Variants in C1RL observed in about 807,000 individuals in gnomAD.
C1RL encodes the protein complement C1r subcomponent-like protein.
A neutral mutation model predicts 27.9 loss-of-function variants in C1RL; 27 were observed. The ratio of observed to expected loss-of-function variants is 0.97; its 90% CI spans 0.71 to 1.33. The LOEUF (loss-of-function observed/expected upper bound fraction) is 1.33. Ranked by LOEUF, C1RL falls within the 40% of genes most tolerant of loss-of-function variation. The pLI is 0.00. For missense variants in C1RL, 563 were observed against 623.9 expected, an observed-to-expected ratio of 0.90 and a Z score of 1.04; for synonymous variants, 248 against 252.1, an observed-to-expected ratio of 0.98 and a Z score of 0.15.
intron 3 of C1RL, 87 bp from the exon 4 acceptor site, chr12:7,100,113 C>T (rs1938574784): frequency 4.6e-6 from 6 of 1,306,092 alleles, no homozygotes; most frequent in Non-Finnish European, 4.2e-6. Flanking sequence ...GTTTGACTTG[C>T]ACAGTGTTTT....
Position 7,094,740 on chromosome 12 carries a change from A to G in C1RL, c.*1651T>C. On this transcript the variant is annotated 3_prime_UTR_variant, in exon 6 of 6. Transcript: ENST00000266542. ...AAAACCACCTCTGTTTAGTATTTTG[A>G]GAGAATTATTATTATATTTTTGGCG... 1 of 977,878 alleles carries G rather than the reference A, an allele frequency of 1.0e-6. No individual in the cohort carries two copies. The highest frequency in any genetic ancestry group is 1.2e-6 in the Non-Finnish European group (1 of 823,088). 60.6% of individuals were successfully genotyped at this position (977,878 alleles called of 1,614,324 possible).
chr12:7,096,885 C>A lies in C1RL; in HGVS notation c.970G>T (p.Val324Leu). ...TCATTCTGACGGTAGTCGGGGTGCA[C>A]AACGACACGGTGGACAGGGTGGTTC... ...LGNHPVHRVV[V>L]HPDYRQNESH... Residue 324 changes from valine to leucine, a missense_variant, in exon 6 of 6, where the codon GTG (valine) becomes TTG (leucine). Val to Leu is a conservative substitution (Grantham distance 32). Coordinates refer to ENST00000266542, the MANE Select transcript of C1RL (RefSeq NM_016546.4). 1 of 1,599,136 alleles carries A rather than the reference C, an allele frequency of 6.3e-7. No individual in the cohort carries two copies. The highest frequency in any genetic ancestry group is 1.1e-5 in the South Asian group (1 of 88,734).
chr12:7,099,958 T>A lies in C1RL; in HGVS notation c.559A>T (p.Asn187Tyr), dbSNP rs1287056666. The A allele has an allele frequency of 6.2e-7, 1 of 1,613,924 alleles. No homozygotes were observed. The highest frequency in any genetic ancestry group is 8.5e-7 in the Non-Finnish European group (1 of 1,180,012). ...GSEAINAPGD[N>Y]PAKVQNHCQE... ...CAGTGGTTCTGGACCTTGGCAGGGTTGTCTCCAGGTGCGTTGATGGCCTCA... is the reference window on the plus strand; with the variant it reads ...CAGTGGTTCTGGACCTTGGCAGGGTAGTCTCCAGGTGCGTTGATGGCCTCA... The change falls in exon 4 of 6, where the codon AAC (asparagine) becomes TAC (tyrosine). Residue 187 changes from asparagine (N) to tyrosine (Y), a missense_variant. Coordinates refer to ENST00000266542, the MANE Select transcript of C1RL (RefSeq NM_016546.4).
Position 7,095,852 on chromosome 12 carries a change from G to T in C1RL, c.*539C>A, listed in dbSNP as rs1938409403. On this transcript the variant is annotated 3_prime_UTR_variant, in exon 6 of 6. Coordinates refer to ENST00000266542, the MANE Select transcript of C1RL (RefSeq NM_016546.4). ...AGGATTAAGTGAAATAACAGGTGAA[G>T]CACCTGGCATATAGAGGACATAAAA... is the stretch of plus-strand genomic sequence containing the variant. 8.2e-6 allele frequency: 7 copies of T among 850,244 alleles called. No homozygotes were observed. The highest frequency in any genetic ancestry group is 9.9e-6 in the Non-Finnish European group (7 of 706,676). 52.7% of individuals were successfully genotyped at this position (850,244 alleles called of 1,614,324 possible).
Position 7,109,165 on chromosome 12 carries a change from C to G in C1RL, c.16G>C (p.Val6Leu), listed in dbSNP as rs757333964. The change falls in exon 1 of 6, where the codon GTG becomes CTG. Residue 6 changes from valine (V) to leucine (L), a missense_variant. Coordinates refer to ENST00000266542, the MANE Select transcript of C1RL (RefSeq NM_016546.4). ...CTTCTCCAGAGATATTTCCCCCACA[C>G]TCTGGGTCCAGGCATCTGGAACTGG... MPGPR[V>L]WGKYLWRSPH... The G allele has an allele frequency of 1.2e-6, 2 of 1,601,666 alleles. No homozygotes were observed. Among genetic ancestry groups the G allele is most frequent in the African/African-American group, 1.3e-5 (1 of 74,884 alleles).
Position 7,095,973 on chromosome 12 carries a change from T to G in C1RL, c.*418A>C. On this transcript the variant is annotated 3_prime_UTR_variant, in exon 6 of 6. Transcript: ENST00000266542. Reference sequence around the variant, plus strand: ...AAGGGTCTTAGGAATGTTTCAGAAATGCAATGCAATGAAAACCCCTTCCTC... The same window carrying G: ...AAGGGTCTTAGGAATGTTTCAGAAAGGCAATGCAATGAAAACCCCTTCCTC... The G allele has an allele frequency of 1.0e-6, 1 of 996,008 alleles. No homozygotes were observed. The highest frequency in any genetic ancestry group is 1.2e-6 in the Non-Finnish European group (1 of 837,724). 61.7% of individuals were successfully genotyped at this position (996,008 alleles called of 1,614,324 possible).
chr12:7,097,116 C>G lies in C1RL; in HGVS notation c.739G>C (p.Gly247Arg), dbSNP rs746308813. 6 of 1,613,228 alleles carry G rather than the reference C, an allele frequency of 3.7e-6. No homozygotes were observed. The highest frequency in any genetic ancestry group is 5.1e-6 in the Non-Finnish European group (6 of 1,179,596). The part of the protein sequence containing the change: ...TPIAQNQTTL[G>R]SSRAKLGNFP... ...TTGCCCAGCTTGGCTCTGGAAGAAC[C>G]GAGGGTCGTCTGATTCTGGGCAATG... Residue 247 changes from glycine (G) to arginine (R), a missense_variant, in exon 6 of 6, where the codon GGT becomes CGT. By Grantham distance (125) the Gly-to-Arg change is moderately radical. Coordinates refer to ENST00000266542, the MANE Select transcript of C1RL (RefSeq NM_016546.4).
Position 7,096,975 on chromosome 12 carries a change from T to G in C1RL, c.880A>C (p.Arg294=). The change falls in exon 6 of 6, where the codon AGG becomes CGG. Residue 294 remains arginine (R), a synonymous_variant. Transcript: ENST00000266542. ...AACACATTCACACTCTGGTTCTTCC[T>G]GAGAGAAACACTGTCCTTGGGGTAG... ...TIYPKDSVSL[R]KNQSVNVFLG... is the part of the protein sequence containing the mutation. 6.2e-7 allele frequency: 1 copy of G among 1,614,086 alleles called. No individual in the cohort carries two copies. The highest frequency in any genetic ancestry group is 8.5e-7 in the Non-Finnish European group (1 of 1,179,960).
Position 7,097,158 on chromosome 12 carries a change from C to G in C1RL, c.697G>C (p.Gly233Arg). Residue 233 changes from glycine (G) to arginine (R), a missense_variant, in exon 6 of 6, where the codon GGA becomes CGA. By Grantham distance (125) the Gly-to-Arg change is moderately radical. Transcript: ENST00000266542. ...EEVLQCMPVC[G>R]RPVTPIAQNQ... ...TGGGCAATGGGGGTGACTGGCCGTCCGCAGACTGGGAGAGAGGCGGGGTAG... is the reference window on the plus strand; with the variant it reads ...TGGGCAATGGGGGTGACTGGCCGTCGGCAGACTGGGAGAGAGGCGGGGTAG... 1 of 1,601,868 alleles carries G rather than the reference C, an allele frequency of 6.2e-7. No homozygotes were observed. The highest frequency in any genetic ancestry group is 8.5e-7 in the Non-Finnish European group (1 of 1,173,208).
chr12:7,108,125 C>CCTACA, intron 2 of C1RL, 126 bp downstream of exon 2: 1 of 770,964 alleles, frequency 1.3e-6, no homozygotes, highest in South Asian at 2.1e-5. Flanking sequence ...AAGCCAAGCC[C>CCTACA]GACTGCCCCT....
At position 7,108,632 on chromosome 12, in the gene C1RL, G is replaced by A. The variant is rs1389046268; in HGVS notation, c.72-153C>T. ...CACCCTTGAGGCCCGGGCACTTCCC[G>A]TCTCCTCCCTTGCTCCCCTTCCTCA... On this transcript the variant is annotated intron_variant, in intron 1 of 5. Coordinates refer to ENST00000266542, the MANE Select transcript of C1RL (RefSeq NM_016546.4). 3 of 611,402 alleles carry A rather than the reference G, an allele frequency of 4.9e-6. No individual in the cohort carries two copies. The East Asian group carries it at 8.5e-5, about 17-fold the overall frequency. 37.9% of individuals were successfully genotyped at this position (611,402 alleles called of 1,614,324 possible).
chr12:7,099,165 C>A (rs1410406493), intron 5 of C1RL, among the ~76,000 whole-genome samples: 1 of 126,162 alleles, frequency 7.9e-6, no homozygotes, highest in African/African-American at 3.0e-5. Context: ...ATGGAGGTTG[C>A]AGTGAACCAA....
intron 2 of C1RL, 31 bp from the exon 3 acceptor site, chr12:7,102,118 A>T (rs1044385093): frequency 2.1e-5 from 33 of 1,592,080 alleles, no homozygotes; most frequent in Non-Finnish European, 2.8e-5. Context: ...GAGGCTGCAG[A>T]TAGGTGTGGG....
rs1938590615 is a variant in C1RL at position 7,100,699 on chromosome 12, A to G, written c.491-673T>C. 2.0e-5 allele frequency among the ~76,000 whole-genome samples: 3 copies of G among 152,144 alleles called. No individual in the cohort carries two copies. The South Asian group carries it at 6.2e-4, about 32-fold the overall frequency. On this transcript the variant is annotated intron_variant, in intron 3 of 5. Transcript: ENST00000266542. ...CTACTCAGGAGGCTGAGGCAGGAGA[A>G]TCGCTTGAACCCAGGAGGCAGAGGT...
In C1RL at chr12:7,096,195, T is replaced by C. The variant is rs1044536855; in HGVS notation, c.*196A>G. 5.8e-6 allele frequency: 8 copies of C among 1,374,462 alleles called. No homozygotes were observed. The East Asian group carries it at 1.1e-4, about 19-fold the overall frequency. 85.1% of individuals were successfully genotyped at this position (1,374,462 alleles called of 1,614,324 possible). On this transcript the variant is annotated 3_prime_UTR_variant, in exon 6 of 6. Transcript: ENST00000266542. The stretch of plus-strand genomic sequence containing the variant: ...GAGCGGTCTGTGGGACTCTGCTTCC[T>C]GTCTGGGATGGGGCGGGCTTGCCGG...
intron 2 of C1RL, among the ~76,000 whole-genome samples, chr12:7,105,495 C>A (rs1419818736): frequency 2.0e-5 from 3 of 152,198 alleles, no homozygotes; most frequent in Non-Finnish European, 4.4e-5. Context: ...GTCTCAAACT[C>A]CTGGCCTCAG....
Position 7,095,120 on chromosome 12 carries a change from C to CTTTTT in C1RL, c.*1266_*1270dup. 9.3e-7 allele frequency: 1 copy of CTTTTT among 1,072,074 alleles called. No individual in the cohort carries two copies. Among genetic ancestry groups the CTTTTT allele is most frequent in the Admixed American group, 3.4e-5 (1 of 29,620 alleles). The allele number at this position is 1,072,074 out of a possible 1,614,324, so 66.4% of individuals were successfully genotyped here. On this transcript the variant is annotated 3_prime_UTR_variant, in exon 6 of 6. Coordinates refer to ENST00000266542, the MANE Select transcript of C1RL (RefSeq NM_016546.4). ...TCTTTCACTGTAAATCACCTCCAATCTTTTTTTTTTGGGGGGGATGAAGTC... is the reference window on the plus strand; with the variant it reads ...TCTTTCACTGTAAATCACCTCCAATCTTTTTTTTTTTTTTTGGGGGGGATGAAGTC...
Position 7,101,908 on chromosome 12 carries a change from G to A in C1RL, c.480C>T (p.Tyr160=). Residue 160 remains tyrosine (Y), a synonymous_variant, in exon 3 of 6, where the codon TAC becomes TAT. Coordinates refer to ENST00000266542, the MANE Select transcript of C1RL (RefSeq NM_016546.4). The part of the protein sequence containing the change: ...AHLHKGFLAL[Y]QTVAVNYSQP... Reference sequence around the variant, plus strand: ...AGGAGGGACACTCACCCACGGTTTGGTAGAGGGCCAGGAAGCCCTTGTGGA... The same window carrying A: ...AGGAGGGACACTCACCCACGGTTTGATAGAGGGCCAGGAAGCCCTTGTGGA... 1.2e-6 allele frequency: 2 copies of A among 1,614,142 alleles called. No individual in the cohort carries two copies. The highest frequency in any genetic ancestry group is 1.7e-6 in the Non-Finnish European group (2 of 1,180,004).
intron 2 of C1RL, among the ~76,000 whole-genome samples, chr12:7,106,728 C>CA (rs1463498982): frequency 1.3e-5 from 2 of 151,902 alleles, no homozygotes; most frequent in African/African-American, 2.4e-5. Flanking sequence ...CACCCCCCAC[C>CA]AAAAAACAAA....
Sources: allele counts gnomAD v4.1 joint callset (sites outside exome capture counted in the v4.1 genomes callset), GRCh38; gene constraint gnomAD v4.1.1; transcripts MANE v1.5; gene names NCBI Gene and HGNC (gene_info 2026-07-23, HGNC 2026-07-21).